The following NSMCE2 variants were observed in gnomAD, a reference collection of about 807,000 sequenced individuals.
The protein encoded by NSMCE2 is E3 SUMO-protein ligase NSE2.
Under a neutral mutation model 23.8 loss-of-function variants are expected in NSMCE2, and 24 were observed. The ratio of observed to expected loss-of-function variants is 1.01; its 90% CI spans 0.73 to 1.42. The LOEUF is 1.42. NSMCE2 is among the 40% of genes most tolerant of loss of function. The pLI is 0.00. For missense variants in NSMCE2, 284 were observed against 296.5 expected (o/e 0.96, Z 0.31); for synonymous variants, 92 against 94.1 (o/e 0.98, Z 0.13).
chr8:125,107,868 T>A (rs1818540580), intron 3 of NSMCE2, among the ~76,000 whole-genome samples: 2 of 151,948 alleles, frequency 1.3e-5, no homozygotes, highest in Admixed American at 6.6e-5. Context: ...ACCCTGTCTC[T>A]ACAAAACATA....
intron 5 of NSMCE2, among the ~76,000 whole-genome samples, chr8:125,226,330 C>T (rs1241389971): frequency 6.6e-6 from 1 of 152,174 alleles, no homozygotes; most frequent in Non-Finnish European, 1.5e-5. Flanking sequence ...GGTGACCGTA[C>T]AGTTATCAGA....
intron 5 of NSMCE2, among the ~76,000 whole-genome samples, chr8:125,324,981 A>G (rs1336680314): frequency 6.6e-6 from 1 of 152,214 alleles, no homozygotes; most frequent in Non-Finnish European, 1.5e-5. Context: ...GATAGGGATT[A>G]CTAAGGGCAC....
intron 5 of NSMCE2, among the ~76,000 whole-genome samples, chr8:125,206,156 G>C (rs1257986781): frequency 6.6e-6 from 1 of 152,140 alleles, no homozygotes; most frequent in African/African-American, 2.4e-5. Context: ...ACCGTGACCA[G>C]GTAAGGAAAT....
intron 5 of NSMCE2, among the ~76,000 whole-genome samples, chr8:125,289,846 A>G (rs962712117): frequency 6.6e-6 from 1 of 152,230 alleles, no homozygotes; most frequent in African/African-American, 2.4e-5. Context: ...CTGATCAACT[A>G]CTGGTCTTAA....
chr8:125,110,401 A>G (rs1294356796), intron 3 of NSMCE2, among the ~76,000 whole-genome samples: 1 of 152,156 alleles, frequency 6.6e-6, no homozygotes, highest in Non-Finnish European at 1.5e-5. Context: ...CAGGCAGTTA[A>G]TTGGGTATTT....
chr8:125,219,527 A>G (rs900474922), intron 5 of NSMCE2, among the ~76,000 whole-genome samples: 1 of 152,172 alleles, frequency 6.6e-6, no homozygotes, highest in Non-Finnish European at 1.5e-5. Flanking sequence ...CTGTATTGCT[A>G]CATTTTTTCT....
chr8:125,307,673 G>C (rs1230646397), intron 5 of NSMCE2, among the ~76,000 whole-genome samples: 2 of 152,198 alleles, frequency 1.3e-5, no homozygotes, highest in African/African-American at 4.8e-5. Context: ...GTTAATGGAA[G>C]AAATTCATCA....
chr8:125,233,917 C>T (rs1290053180), intron 5 of NSMCE2, among the ~76,000 whole-genome samples: 1 of 150,838 alleles, frequency 6.6e-6, no homozygotes, highest in Middle Eastern at 3.2e-3. Flanking sequence ...TGGCTCATGC[C>T]TGTAATCCCA....
chr8:125,154,364 T>C (rs1821198383), intron 4 of NSMCE2, among the ~76,000 whole-genome samples: 1 of 152,146 alleles, frequency 6.6e-6, no homozygotes, highest in African/African-American at 2.4e-5. Context: ...TGGGTCAACT[T>C]ACCAACAATC....
At chr8:125,226,488 C>A (rs959285967) in intron 5 of NSMCE2, among the ~76,000 whole-genome samples, 16 of 152,058 alleles carry the variant, frequency 1.1e-4, no homozygotes, top group Non-Finnish European at 2.4e-4. Flanking sequence ...CACTGTACCC[C>A]TCATATCTGC....
chr8:125,174,224 T>C (rs995730776), intron 4 of NSMCE2, among the ~76,000 whole-genome samples: 2 of 152,168 alleles, frequency 1.3e-5, no homozygotes, highest in African/African-American at 4.8e-5. Context: ...TCCAAAAACC[T>C]CTGAGCACAA....
chr8:125,304,998 GGAAGGAAGGAAAGAAA>G (rs1386044582), intron 5 of NSMCE2, among the ~76,000 whole-genome samples: 1 of 150,740 alleles, frequency 6.6e-6, no homozygotes, highest in Non-Finnish European at 1.5e-5. Flanking sequence ...AGGGAGGGAA[GGAAGGAAGGAAAGAAA>G]GAAGGAAGGA....
chr8:125,159,017 C>T (rs775092531), intron 4 of NSMCE2, among the ~76,000 whole-genome samples: 1 of 152,176 alleles, frequency 6.6e-6, no homozygotes, highest in Non-Finnish European at 1.5e-5. Context: ...CAGAAATAAA[C>T]AGTTCAAATA....
chr8:125,321,647 T>G (rs1829464150), intron 5 of NSMCE2, among the ~76,000 whole-genome samples: 1 of 152,232 alleles, frequency 6.6e-6, no homozygotes, highest in Non-Finnish European at 1.5e-5. Context: ...TAAATAACTT[T>G]TTAGCAAATG....
rs60308659 is a variant in NSMCE2 at position 125,256,922 on chromosome 8, C to CAAAAAAAAA, written c.418+74695_418+74703dup. Among the ~76,000 whole-genome samples the CAAAAAAAAA allele has an allele frequency of 8.8e-4, 23 of 26,066 alleles. 3 individuals carry two copies. Among genetic ancestry groups the CAAAAAAAAA allele is most frequent in the Admixed American group, 2.1e-3 (3 of 1,436 alleles). The allele number at this position is 26,066 out of a possible 152,430, so 17.1% of individuals were successfully genotyped here. On this transcript the variant is annotated intron_variant, in intron 5 of 7. Coordinates refer to ENST00000287437, the MANE Select transcript of NSMCE2 (RefSeq NM_173685.4). Reference sequence around the variant, plus strand: ...TGGGCGACAAAGCAAGACTCTGTGTCAAAAAAAAAAAAAAAAAAAAAAAAA... The same window carrying CAAAAAAAAA: ...TGGGCGACAAAGCAAGACTCTGTGTCAAAAAAAAAAAAAAAAAAAAAAAAAAAAAAAAAA...
At chr8:125,102,689 G>GT (rs1171061560) in intron 3 of NSMCE2, among the ~76,000 whole-genome samples, 1 of 152,160 alleles carries the variant, frequency 6.6e-6, no homozygotes, top group Admixed American at 6.5e-5. Context: ...AGACAGTTAA[G>GT]TTCCATGAGA....
intron 5 of NSMCE2, among the ~76,000 whole-genome samples, chr8:125,310,440 A>C (rs1474168783): frequency 6.6e-6 from 1 of 152,240 alleles, no homozygotes; most frequent in African/African-American, 2.4e-5. Context: ...ATGAGTGCCC[A>C]ATCAATTGTA....
chr8:125,188,492 A>C (rs1823207048), intron 5 of NSMCE2, among the ~76,000 whole-genome samples: 1 of 152,216 alleles, frequency 6.6e-6, no homozygotes, highest in African/African-American at 2.4e-5. Context: ...GTGTGGACCC[A>C]CTGTTGCCAG....
At chr8:125,314,905 G>A (rs968783666) in intron 5 of NSMCE2, among the ~76,000 whole-genome samples, 12 of 152,194 alleles carry the variant, frequency 7.9e-5, no homozygotes, top group East Asian at 5.8e-4. Flanking sequence ...TAAACAAAGC[G>A]AGATGTTGGG....
Sources: allele counts gnomAD v4.1 joint callset (sites outside exome capture counted in the v4.1 genomes callset), GRCh38; gene constraint gnomAD v4.1.1; transcripts MANE v1.5; gene names NCBI Gene and HGNC (gene_info 2026-07-23, HGNC 2026-07-21).